RGS6: variants seen among roughly 807,000 people sequenced by gnomAD.
RGS6 encodes regulator of G protein signaling 6.
In RGS6, 30 loss-of-function variants were observed where a neutral mutation model predicts 78.5. That is an observed-to-expected ratio of 0.38 (90% CI 0.29 to 0.52). The LOEUF is 0.52. Among genes scored for constraint, RGS6 ranks in the 20% least tolerant of loss-of-function variants. RGS6 has a pLI of 0.85. For missense variants in RGS6, 495 were observed against 609.7 expected (o/e 0.81, Z 1.98); for synonymous variants, 206 against 206.0 (o/e 1.00, Z 0.00).
At chr14:72,516,551 C>A (rs1473317227) in intron 14 of RGS6, among the ~76,000 whole-genome samples, 1 of 152,196 alleles carries the variant, frequency 6.6e-6, no homozygotes, top group African/African-American at 2.4e-5. Flanking sequence ...CACCAGATGG[C>A]AGCAGCAAGA....
At chr14:71,944,000 T>C (rs2152968032) in intron 1 of RGS6, among the ~76,000 whole-genome samples, 1 of 152,308 alleles carries the variant, frequency 6.6e-6, no homozygotes, top group East Asian at 1.9e-4. Context: ...TTCATATCCA[T>C]GATATAGTGA....
intron 2 of RGS6, among the ~76,000 whole-genome samples, chr14:72,117,552 A>G (rs551125643): frequency 1.3e-5 from 2 of 152,150 alleles, no homozygotes; most frequent in African/African-American, 4.8e-5. Flanking sequence ...TCTTTTCTTT[A>G]TAGATGACCC....
chr14:72,078,386 G>T (rs900413504), intron 2 of RGS6, among the ~76,000 whole-genome samples: 18 of 151,688 alleles, frequency 1.2e-4, no homozygotes, highest in Admixed American at 4.6e-4. Flanking sequence ...CCCAGTCTCA[G>T]GTATTTCTTT....
intron 3 of RGS6, among the ~76,000 whole-genome samples, chr14:72,406,382 C>CA (rs111795066): frequency 0.073 from 10,628 of 145,560 alleles, 753 homozygotes; most frequent in African/African-American, 0.18. Context: ...GACTCCATCT[C>CA]AAAAAAAAAA....
intron 2 of RGS6, among the ~76,000 whole-genome samples, chr14:72,254,316 A>G (rs1022906512): frequency 6.6e-6 from 1 of 152,212 alleles, no homozygotes; most frequent in Admixed American, 6.5e-5. Context: ...TTGCTTGATG[A>G]TGACAGTGCA....
At chr14:71,883,128 G>A in the RGS6 span, among the ~76,000 whole-genome samples, 35,852 of 152,136 alleles carry the variant, frequency 0.24, 5,382 homozygotes, top group Non-Finnish European at 0.32. Context: ...TTAAATCAAT[G>A]TGATAACTCA....
At chr14:72,252,205 G>A (rs778642703) in intron 2 of RGS6, among the ~76,000 whole-genome samples, 2 of 152,200 alleles carry the variant, frequency 1.3e-5, no homozygotes, top group Admixed American at 6.5e-5. Flanking sequence ...TCACTCATGC[G>A]TATGCCCGCC....
intron 2 of RGS6, among the ~76,000 whole-genome samples, chr14:72,110,171 G>C (rs1271807228): frequency 6.6e-6 from 1 of 152,128 alleles, no homozygotes; most frequent in Non-Finnish European, 1.5e-5. Flanking sequence ...AGACATCATT[G>C]GCTGCTTTGT....
intron 2 of RGS6, among the ~76,000 whole-genome samples, chr14:72,240,133 C>A (rs1241347449): frequency 1.3e-5 from 2 of 152,142 alleles, no homozygotes; most frequent in East Asian, 1.9e-4. Context: ...TTCCCCTAAC[C>A]CCCACCCTCT....
At chr14:72,339,621 G>T (rs2076624779) in intron 2 of RGS6, among the ~76,000 whole-genome samples, 1 of 152,080 alleles carries the variant, frequency 6.6e-6, no homozygotes, top group African/African-American at 2.4e-5. Flanking sequence ...ATTTTTTGGT[G>T]CAGGAACACC....
chr14:71,953,339 C>A (rs1397075385), intron 1 of RGS6, among the ~76,000 whole-genome samples: 3 of 152,176 alleles, frequency 2.0e-5, no homozygotes, highest in African/African-American at 7.2e-5. Flanking sequence ...GTCCCTGTTA[C>A]AACAACTCAA....
intron 2 of RGS6, among the ~76,000 whole-genome samples, chr14:72,101,360 A>G (rs1002698563): frequency 1.3e-5 from 2 of 152,256 alleles, no homozygotes; most frequent in Admixed American, 6.5e-5. Context: ...GAAACTCAAA[A>G]GTAAGCATTG....
At chr14:72,214,872 A>G (rs2045179282) in intron 2 of RGS6, among the ~76,000 whole-genome samples, 1 of 152,224 alleles carries the variant, frequency 6.6e-6, no homozygotes, top group African/African-American at 2.4e-5. Context: ...GGACTTACAG[A>G]GCAATATGAT....
the RGS6 span, among the ~76,000 whole-genome samples, chr14:71,905,676 G>C: frequency 6.6e-6 from 1 of 152,148 alleles, no homozygotes; most frequent in African/African-American, 2.4e-5. Context: ...TTTTAGTAGA[G>C]ACAGGGTTTC....
chr14:72,069,948 G>A (rs981506599), intron 2 of RGS6, among the ~76,000 whole-genome samples: 2 of 152,092 alleles, frequency 1.3e-5, no homozygotes. Context: ...CTTCTACTTG[G>A]AATCACCTTC....
At chr14:72,092,874 G>A (rs146707272) in intron 2 of RGS6, among the ~76,000 whole-genome samples, 1 of 152,164 alleles carries the variant, frequency 6.6e-6, no homozygotes, top group African/African-American at 2.4e-5. Context: ...GTCAACTGAA[G>A]TCCATACGTT....
intron 17 of RGS6, among the ~76,000 whole-genome samples, chr14:72,560,797 C>CGTGT (rs57504072): frequency 0.12 from 17,261 of 141,148 alleles, 1,260 homozygotes; most frequent in Admixed American, 0.18. Context: ...ATTTTGTGGA[C>CGTGT]GTGTGTGTGT....
the RGS6 span, among the ~76,000 whole-genome samples, chr14:72,585,412 A>C: frequency 6.6e-6 from 1 of 152,182 alleles, no homozygotes. Flanking sequence ...AGAGCTCTTC[A>C]CATCCCACCT....
intron 2 of RGS6, among the ~76,000 whole-genome samples, chr14:72,177,757 G>A (rs947914120): frequency 2.6e-5 from 4 of 152,098 alleles, no homozygotes; most frequent in Non-Finnish European, 5.9e-5. Flanking sequence ...TCTCATAATT[G>A]CATCAATAAT....
Sources: gnomAD v4.1 joint callset for allele counts (sites outside exome capture counted in the v4.1 genomes callset) on GRCh38, gnomAD v4.1.1 for gene constraint, MANE v1.5 for transcripts, NCBI Gene and HGNC (gene_info 2026-07-23, HGNC 2026-07-21) for gene names.